GMDS: variants seen among roughly 807,000 people sequenced by gnomAD.
GMDS encodes the protein GDP-mannose 4,6 dehydratase.
GMDS carries 20 observed loss-of-function variants against 49.9 expected under a neutral mutation model. That is an observed-to-expected ratio of 0.40 (90% CI 0.28 to 0.58). The LOEUF is 0.58. Ranked by LOEUF, GMDS falls within the 20% of genes least tolerant of loss-of-function variation. The pLI, the probability that GMDS is intolerant of heterozygous loss-of-function variation, is 0.42. For synonymous variants in GMDS, 177 were observed against 178.6 expected, an observed-to-expected ratio of 0.99 and a Z score of 0.07; for missense variants, 362 against 481.4, an observed-to-expected ratio of 0.75 and a Z score of 2.32.
At chr6:1,877,179 T>A (rs1759113309) in intron 7 of GMDS, among the ~76,000 whole-genome samples, 1 of 152,090 alleles carries the variant, frequency 6.6e-6, no homozygotes, top group African/African-American at 2.4e-5. Context: ...GAAGTCTCGG[T>A]GTGCTGTTGA....
chr6:1,872,364 G>A (rs780856377), intron 7 of GMDS, among the ~76,000 whole-genome samples: 4 of 152,230 alleles, frequency 2.6e-5, no homozygotes, highest in Non-Finnish European at 5.9e-5. Flanking sequence ...GATGTCTGAT[G>A]TATGTGCCCA....
At chr6:1,629,434 G>A (rs558743901) in intron 9 of GMDS, among the ~76,000 whole-genome samples, 1 of 152,032 alleles carries the variant, frequency 6.6e-6, no homozygotes, top group South Asian at 2.1e-4. Flanking sequence ...AGCGGGACTC[G>A]GTGGGACTGT....
intron 8 of GMDS, among the ~76,000 whole-genome samples, chr6:1,740,045 A>G (rs557096937): frequency 1.1e-3 from 171 of 152,350 alleles, no homozygotes; most frequent in African/African-American, 3.8e-3. Context: ...ATAAAATGTC[A>G]TGTTTGATTC....
At chr6:2,126,066 A>G (rs1411520877) in intron 1 of GMDS, among the ~76,000 whole-genome samples, 1 of 152,200 alleles carries the variant, frequency 6.6e-6, no homozygotes, top group African/African-American at 2.4e-5. Context: ...CATTTGACCT[A>G]AAATATTTCA....
chr6:2,012,445 T>C (rs766119824), intron 4 of GMDS, among the ~76,000 whole-genome samples: 40 of 152,082 alleles, frequency 2.6e-4, no homozygotes, highest in Non-Finnish European at 5.0e-4. Context: ...ACGGACAGTT[T>C]TATCATGCAA....
intron 7 of GMDS, among the ~76,000 whole-genome samples, chr6:1,758,289 A>C (rs988380989): frequency 1.3e-5 from 2 of 152,212 alleles, no homozygotes; most frequent in African/African-American, 4.8e-5. Flanking sequence ...CTTCTTCAGT[A>C]GTGATTTCAT....
At chr6:1,984,816 C>G (rs529648255) in intron 4 of GMDS, among the ~76,000 whole-genome samples, 75 of 152,286 alleles carry the variant, frequency 4.9e-4, no homozygotes, top group African/African-American at 1.8e-3. Flanking sequence ...TGCTGCCACT[C>G]TCTGTACAGC....
intron 7 of GMDS, among the ~76,000 whole-genome samples, chr6:1,769,937 G>C (rs1033542332): frequency 6.6e-6 from 1 of 152,160 alleles, no homozygotes; most frequent in African/African-American, 2.4e-5. Flanking sequence ...ATATTGGCCA[G>C]GCTGGTCCCA....
At chr6:1,917,960 G>A (rs1157247264) in intron 7 of GMDS, among the ~76,000 whole-genome samples, 2 of 152,202 alleles carry the variant, frequency 1.3e-5, no homozygotes, top group African/African-American at 4.8e-5. Context: ...AAATGGTACT[G>A]CAGAAGGCTT....
intron 1 of GMDS, among the ~76,000 whole-genome samples, chr6:2,225,928 GC>G (rs1251129098): frequency 2.0e-5 from 3 of 152,080 alleles, no homozygotes; most frequent in African/African-American, 7.2e-5. Flanking sequence ...GCCAAGGACT[GC>G]CATTCCAGCT....
chr6:1,984,294 G>C (rs1765406777), intron 4 of GMDS, among the ~76,000 whole-genome samples: 1 of 152,166 alleles, frequency 6.6e-6, no homozygotes. Flanking sequence ...CCTAGATGAT[G>C]AGATGATCTC....
intron 2 of GMDS, 133 bp downstream of exon 2, chr6:2,124,554 T>C: frequency 2.7e-6 from 2 of 740,016 alleles, no homozygotes. Flanking sequence ...AGACACATTC[T>C]TCCCCGGATT....
At chr6:1,720,285 T>C (rs944069350) in intron 9 of GMDS, among the ~76,000 whole-genome samples, 2 of 152,122 alleles carry the variant, frequency 1.3e-5, no homozygotes, top group Admixed American at 6.6e-5. Flanking sequence ...TATATGGCCC[T>C]TGGGGATTTG....
In GMDS at chr6:1,902,575, T is replaced by C. The variant is rs1760551311; in HGVS notation, c.771+27528A>G. ...ATAGGTGAAATTCCTGTTTCTGGGA[T>C]ATCGCACAGCTATGTTAAAATTCAT... On this transcript the variant is annotated intron_variant, in intron 7 of 10. Coordinates refer to ENST00000380815, the MANE Select transcript of GMDS (RefSeq NM_001500.4). 2.0e-5 allele frequency among the ~76,000 whole-genome samples: 3 copies of C among 152,216 alleles called. No homozygotes were observed. In the South Asian group the frequency reaches 6.2e-4, roughly 32 times the overall value.
intron 4 of GMDS, among the ~76,000 whole-genome samples, chr6:2,049,735 C>G (rs758949885): frequency 1.3e-5 from 2 of 152,102 alleles, no homozygotes; most frequent in South Asian, 4.1e-4. Flanking sequence ...GCCTCAAAAC[C>G]GCACAACAAC....
intron 1 of GMDS, among the ~76,000 whole-genome samples, chr6:2,222,977 C>T (rs952420106): frequency 1.7e-4 from 26 of 152,086 alleles, no homozygotes; most frequent in African/African-American, 6.3e-4. Context: ...ATTCTGCCTC[C>T]AAGCGGCCTA....
At chr6:1,923,235 A>G (rs556571095) in intron 7 of GMDS, among the ~76,000 whole-genome samples, 1 of 152,276 alleles carries the variant, frequency 6.6e-6, no homozygotes, top group East Asian at 1.9e-4. Flanking sequence ...AAGTGTCCAC[A>G]CTACCTCATT....
chr6:1,691,706 G>A (rs1419875465), intron 9 of GMDS, among the ~76,000 whole-genome samples: 1 of 152,100 alleles, frequency 6.6e-6, no homozygotes, highest in Non-Finnish European at 1.5e-5. Context: ...CTTTATTAAG[G>A]TATATAATTA....
intron 9 of GMDS, among the ~76,000 whole-genome samples, chr6:1,638,525 C>T (rs574250161): frequency 2.0e-5 from 3 of 149,964 alleles, no homozygotes; most frequent in South Asian, 2.2e-4. Flanking sequence ...CCCCAACCCC[C>T]GACACTATGA....
Sources: allele counts gnomAD v4.1 joint callset (sites outside exome capture counted in the v4.1 genomes callset), GRCh38; gene constraint gnomAD v4.1.1; transcripts MANE v1.5; gene names NCBI Gene and HGNC (gene_info 2026-07-23, HGNC 2026-07-21).